The following NIPBL variants were observed in gnomAD, a reference collection of about 807,000 sequenced individuals.
NIPBL encodes the protein NIPBL cohesin loading factor, also known as nipped-B-like protein.
Under a neutral mutation model 321.8 loss-of-function variants are expected in NIPBL, and 19 were observed. That is an observed-to-expected ratio of 0.06 (90% confidence interval 0.04 to 0.09). NIPBL has a LOEUF of 0.09. Ranked by LOEUF, NIPBL falls within the 10% of genes least tolerant of loss-of-function variation. NIPBL has a pLI of 1.00. For missense variants in NIPBL, 2,210 were observed against 3,327.0 expected, an observed-to-expected ratio of 0.66 and a Z score of 8.26; for synonymous variants, 1,106 against 1,114.1, an observed-to-expected ratio of 0.99 and a Z score of 0.14.
intron 29 of NIPBL, among the ~76,000 whole-genome samples, chr5:37,024,152 G>A (rs1419491213): frequency 6.7e-6 from 1 of 149,128 alleles, no homozygotes; most frequent in Non-Finnish European, 1.5e-5. Context: ...GGCGAGAAGA[G>A]CAAAACTCCA....
chr5:36,981,274 G>A (rs1180659018), intron 9 of NIPBL, among the ~76,000 whole-genome samples: 8 of 151,522 alleles, frequency 5.3e-5, no homozygotes, highest in Admixed American at 5.3e-4. Flanking sequence ...CAAAAACACT[G>A]TACCTTATAA....
intron 9 of NIPBL, among the ~76,000 whole-genome samples, chr5:36,977,127 T>C (rs1743565087): frequency 1.3e-5 from 2 of 152,012 alleles, no homozygotes; most frequent in African/African-American, 4.8e-5. Context: ...CAAAATTTCT[T>C]TCATGTTTTA....
At chr5:36,887,651 C>T (rs2075415122) in intron 1 of NIPBL, among the ~76,000 whole-genome samples, 1 of 152,118 alleles carries the variant, frequency 6.6e-6, no homozygotes, top group Non-Finnish European at 1.5e-5. Context: ...TTTGTATTCT[C>T]CAGGAGGTGC....
At chr5:36,940,621 T>A (rs186310639) in intron 1 of NIPBL, among the ~76,000 whole-genome samples, 94 of 152,264 alleles carry the variant, frequency 6.2e-4, no homozygotes, top group African/African-American at 2.2e-3. Context: ...GTTACCTTCT[T>A]TTTTTCTCTT....
rs770173799 is a variant in NIPBL at position 37,019,357 on chromosome 5, T to G, written c.4967T>G (p.Leu1656Arg). Residue 1656 changes from leucine (L) to arginine (R), a missense_variant, in exon 25 of 47, where the codon CTT (leucine) becomes CGT (arginine). Physicochemically the swap from Leu to Arg is moderately radical, Grantham distance 102. This residue lies in a region of NIPBL where 138 missense variants were observed against 175.8 expected (regional missense o/e 0.79). Coordinates refer to ENST00000282516, the MANE Select transcript of NIPBL (RefSeq NM_133433.4). The stretch of plus-strand genomic sequence containing the variant: ...ATCCAACAATTACAAAAAGCATTGC[T>G]TGATTACTTGGATGAAAACACTGAG... ...DEIQQLQKAL[L>R]DYLDENTETD... The G allele has an allele frequency of 1.2e-6, 2 of 1,613,456 alleles. No individual in the cohort carries two copies. The highest frequency in any genetic ancestry group is 1.7e-5 in the Admixed American group (1 of 60,026).
At chr5:36,968,632 A>G (rs1252388446) in intron 6 of NIPBL, among the ~76,000 whole-genome samples, 1 of 152,158 alleles carries the variant, frequency 6.6e-6, no homozygotes, top group Admixed American at 6.6e-5. Context: ...TGGCCAAGGC[A>G]GGAGGATCAC....
Position 36,984,782 on chromosome 5 carries a change from G to A in NIPBL, c.1602G>A (p.Gly534=), listed in dbSNP as rs1441313144. The A allele has an allele frequency of 1.4e-5, 23 of 1,613,820 alleles. No homozygotes were observed. The highest frequency in any genetic ancestry group is 1.9e-5 in the Non-Finnish European group (23 of 1,179,826). ...ASQETGSTGN[G]SRPALMVSID... The stretch of plus-strand genomic sequence containing the variant: ...AGGAGACGGGTTCTACGGGAAATGG[G>A]TCAAGGCCAGCATTAATGGTTAGCA... The change falls in exon 10 of 47, where the codon GGG becomes GGA. Residue 534 remains glycine (G), a synonymous_variant. Transcript: ENST00000282516.
intron 1 of NIPBL, among the ~76,000 whole-genome samples, chr5:36,932,032 G>A (rs185139911): frequency 2.6e-5 from 4 of 152,038 alleles, no homozygotes; most frequent in African/African-American, 9.7e-5. Context: ...TTTCTCTCAT[G>A]ATTTCTTCTT....
At chr5:36,977,731 G>T (rs1301414276) in intron 9 of NIPBL, among the ~76,000 whole-genome samples, 4 of 151,164 alleles carry the variant, frequency 2.6e-5, no homozygotes, top group African/African-American at 7.3e-5. Flanking sequence ...GTACCCATTA[G>T]ATAGTTTTTC....
At chr5:36,909,413 A>G (rs961994721) in intron 1 of NIPBL, among the ~76,000 whole-genome samples, 3 of 152,236 alleles carry the variant, frequency 2.0e-5, no homozygotes, top group African/African-American at 7.2e-5. Context: ...AAGATTGATG[A>G]AATTCAGGAG....
At position 37,021,636 on chromosome 5, in the gene NIPBL, G is replaced by T. The variant is rs549670405; in HGVS notation, c.5329-415G>T. ...ATGGAGGTTGCAGGGAGCCGAGATT[G>T]CGCCACTGCACTCCAGCCTGGGCGA... On this transcript the variant is annotated intron_variant, in intron 27 of 46. Transcript: ENST00000282516. Among the ~76,000 whole-genome samples, 508 of 152,262 alleles carry T rather than the reference G, an allele frequency of 3.3e-3. 2 individuals carry two copies. The highest frequency in any genetic ancestry group is 0.012 in the African/African-American group (488 of 41,542).
intron 1 of NIPBL, among the ~76,000 whole-genome samples, chr5:36,933,750 T>C (rs182702372): frequency 6.6e-6 from 1 of 152,226 alleles, no homozygotes; most frequent in Admixed American, 6.6e-5. Flanking sequence ...TGATTAATCT[T>C]CCTTGCTCCT....
Position 37,064,847 on chromosome 5 carries a change from G to A in NIPBL, c.8370G>A (p.Gln2790=). The A allele has an allele frequency of 6.2e-7, 1 of 1,614,140 alleles. No homozygotes were observed. The highest frequency in any genetic ancestry group is 8.5e-7 in the Non-Finnish European group (1 of 1,180,030). ...ATAAGCTGACTAATAAAGTTGTTCA[G>A]ACTTTACGATCCCTGTATGCCGCCA... ...SANKLTNKVV[Q]TLRSLYAAKD... is the part of the protein sequence containing the mutation. The change falls in exon 47 of 47, where the codon CAG becomes CAA. Residue 2790 remains glutamine (Q), a synonymous_variant. Transcript: ENST00000282516.
intron 10 of NIPBL, among the ~76,000 whole-genome samples, chr5:36,992,563 G>A (rs1745649109): frequency 6.6e-6 from 1 of 151,948 alleles, no homozygotes; most frequent in South Asian, 2.1e-4. Context: ...TACCCAGGCT[G>A]AAGTACGGTG....
intron 1 of NIPBL, among the ~76,000 whole-genome samples, chr5:36,904,366 G>A (rs1747466944): frequency 6.6e-6 from 1 of 152,160 alleles, no homozygotes; most frequent in Admixed American, 6.5e-5. Context: ...CTACTTGGGA[G>A]GCTGAGGCAG....
At chr5:37,020,034 A>T (rs1264098316) in intron 25 of NIPBL, among the ~76,000 whole-genome samples, 1 of 152,176 alleles carries the variant, frequency 6.6e-6, no homozygotes, top group Non-Finnish European at 1.5e-5. Context: ...TTTCAGTGAC[A>T]ATTGTCTTGT....
intron 9 of NIPBL, chr5:36,982,100 C>A: frequency 5.7e-6 from 2 of 353,162 alleles, no homozygotes; most frequent in Non-Finnish European, 7.9e-6. Context: ...TTGAGAATAT[C>A]AGCATCTGGA....
At chr5:37,063,168 A>T (rs1754965868) in intron 45 of NIPBL, among the ~76,000 whole-genome samples, 1 of 152,132 alleles carries the variant, frequency 6.6e-6, no homozygotes, top group Non-Finnish European at 1.5e-5. Flanking sequence ...GCAAAACCCC[A>T]TTTCTATTTT....
chr5:37,015,408 GCCACTGCGCCCAGC>G (rs1362599401), intron 22 of NIPBL, among the ~76,000 whole-genome samples: 3 of 152,142 alleles, frequency 2.0e-5, no homozygotes, highest in African/African-American at 4.8e-5. Flanking sequence ...ACAGGCGTGA[GCCACTGCGCCCAGC>G]CCAGCCTCCA....
Sources: gnomAD v4.1 joint callset for allele counts (sites outside exome capture counted in the v4.1 genomes callset) on GRCh38, gnomAD v4.1.1 for gene constraint, gnomAD v4.1.1 regional missense constraint, MANE v1.5 for transcripts, NCBI Gene and HGNC (gene_info 2026-07-23, HGNC 2026-07-21) for gene names.